Variants in BCO1 observed in about 807,000 individuals in gnomAD.
The protein encoded by BCO1 is beta-carotene oxygenase 1.
A neutral mutation model predicts 56.3 loss-of-function variants in BCO1; 54 were observed. That is an observed-to-expected ratio of 0.96 (90% CI 0.77 to 1.20). The LOEUF (loss-of-function observed/expected upper bound fraction) is 1.20. Among genes scored for constraint, BCO1 ranks in the 50% most tolerant of loss-of-function variants. BCO1 has a pLI of 0.00. For synonymous variants in BCO1, 318 were observed against 266.1 expected (o/e 1.20, Z -1.90); for missense variants, 801 against 690.9 (o/e 1.16, Z -1.79).
intron 10 of BCO1, 30 bp downstream of exon 10, chr16:81,287,436 C>T: frequency 1.3e-6 from 2 of 1,534,052 alleles, no homozygotes; most frequent in Non-Finnish European, 9.0e-7. Flanking sequence ...CGCCTAGTTG[C>T]TGCACGTTAC....
chr16:81,252,099 C>T (rs1905842829), intron 2 of BCO1, among the ~76,000 whole-genome samples: 1 of 152,064 alleles, frequency 6.6e-6, no homozygotes, highest in Admixed American at 6.6e-5. Flanking sequence ...TGAGTAATTC[C>T]AGACACCTAC....
At chr16:81,267,839 T>A in intron 5 of BCO1, 69 bp from the exon 6 acceptor site, 1 of 1,311,148 alleles carries the variant, frequency 7.6e-7, no homozygotes, top group East Asian at 2.3e-5. Flanking sequence ...TTGTAGGTGA[T>A]GGTGGTGTGG....
intron 2 of BCO1, among the ~76,000 whole-genome samples, chr16:81,253,352 A>C (rs1905929017): frequency 6.6e-6 from 1 of 152,108 alleles, no homozygotes; most frequent in African/African-American, 2.4e-5. Context: ...CTCAAATGTC[A>C]CGTGACTCTG....
In BCO1 at chr16:81,241,933, G is replaced by C. The variant is rs1905141785; in HGVS notation, c.64+2961G>C. On this transcript the variant is annotated intron_variant, in intron 1 of 10. Transcript: ENST00000258168. ...GGCAACTTAAGCATTTCCTGCCTCAGTGTTCTTTTCTGTTTGATGAATGTA... is the reference window on the plus strand; with the variant it reads ...GGCAACTTAAGCATTTCCTGCCTCACTGTTCTTTTCTGTTTGATGAATGTA... 2.0e-5 allele frequency among the ~76,000 whole-genome samples: 3 copies of C among 152,198 alleles called. No homozygotes were observed. The South Asian group carries it at 6.2e-4, about 31-fold the overall frequency.
chr16:81,287,541 C>G, intron 10 of BCO1, 135 bp downstream of exon 10: 1 of 748,068 alleles, frequency 1.3e-6, no homozygotes, highest in Non-Finnish European at 2.4e-6. Context: ...GTACATCTGT[C>G]TGGGTCAAAG....
chr16:81,253,533 C>T (rs1231505954), intron 2 of BCO1, among the ~76,000 whole-genome samples: 3 of 152,216 alleles, frequency 2.0e-5, no homozygotes, highest in Non-Finnish European at 4.4e-5. Flanking sequence ...TATATTTTCA[C>T]TCCTGGCCCA....
chr16:81,239,523 C>T (rs546932252), intron 1 of BCO1, among the ~76,000 whole-genome samples: 43 of 152,160 alleles, frequency 2.8e-4, no homozygotes, highest in Middle Eastern at 3.4e-3. Flanking sequence ...TTGGAATGCC[C>T]CAGTGGGTAC....
At chr16:81,285,459 G>A in intron 8 of BCO1, 81 bp from the exon 9 acceptor site, 1 of 1,031,994 alleles carries the variant, frequency 9.7e-7, no homozygotes, top group Non-Finnish European at 1.5e-6. Context: ...TCTGAGGAAA[G>A]GCTACCCAAT....
chr16:81,283,997 A>G (rs1464725899), intron 8 of BCO1, among the ~76,000 whole-genome samples: 5 of 151,734 alleles, frequency 3.3e-5, no homozygotes, highest in Non-Finnish European at 7.4e-5. Context: ...CATCCTGGCT[A>G]ACATGGTGAA....
chr16:81,277,312 C>T (rs1430887041), intron 7 of BCO1, among the ~76,000 whole-genome samples: 1 of 152,064 alleles, frequency 6.6e-6, no homozygotes, highest in East Asian at 1.9e-4. Context: ...TGCTAATCTT[C>T]ATCACAATGT....
chr16:81,254,585 T>TA (rs1351621551), intron 2 of BCO1, among the ~76,000 whole-genome samples: 1 of 152,022 alleles, frequency 6.6e-6, no homozygotes, highest in African/African-American at 2.4e-5. Context: ...TAATTAGTGT[T>TA]ACTATTATTG....
Position 81,238,913 on chromosome 16 carries a change from A to C in BCO1, c.5A>C (p.Asp2Ala), listed in dbSNP as rs1567694588. Reference protein sequence around the residue: MDIIFGRNRKEQ... With the variant: MAIIFGRNRKEQ... Reference sequence around the variant, plus strand: ...TCTCCCTCGGCACCCTGAGCAATGGATATAATATTTGGCAGGAATAGGAAA... The same window carrying C: ...TCTCCCTCGGCACCCTGAGCAATGGCTATAATATTTGGCAGGAATAGGAAA... The change falls in exon 1 of 11, where the codon GAT (aspartate) becomes GCT (alanine). Residue 2 changes from aspartate (D) to alanine (A), a missense_variant. Asp to Ala is a moderately radical substitution (Grantham distance 126). Transcript: ENST00000258168. 1.2e-6 allele frequency: 2 copies of C among 1,614,038 alleles called. No individual in the cohort carries two copies. Among genetic ancestry groups the C allele is most frequent in the South Asian group, 1.1e-5 (1 of 91,068 alleles).
chr16:81,272,680 A>G (rs1443445348), intron 7 of BCO1, among the ~76,000 whole-genome samples: 3 of 152,226 alleles, frequency 2.0e-5, no homozygotes, highest in Admixed American at 1.3e-4. Flanking sequence ...TCCAGAACTC[A>G]CTGACTTCAT....
chr16:81,240,237 C>G (rs1211840834), intron 1 of BCO1, among the ~76,000 whole-genome samples: 1 of 151,992 alleles, frequency 6.6e-6, no homozygotes, highest in Non-Finnish European at 1.5e-5. Context: ...ATTTTGAAAT[C>G]TCTTAACCAC....
At chr16:81,266,489 C>T (rs1388822098) in intron 5 of BCO1, among the ~76,000 whole-genome samples, 1 of 152,070 alleles carries the variant, frequency 6.6e-6, no homozygotes. Flanking sequence ...TGTAGAGCCC[C>T]CTGAGCAAAC....
At chr16:81,275,601 C>T (rs1046333476) in intron 7 of BCO1, among the ~76,000 whole-genome samples, 2 of 152,210 alleles carry the variant, frequency 1.3e-5, no homozygotes, top group Non-Finnish European at 2.9e-5. Context: ...ATCTGCTGCA[C>T]TCAGAGGGTG....
chr16:81,250,289 CCT>C (rs1436139442), intron 2 of BCO1, among the ~76,000 whole-genome samples: 1 of 152,156 alleles, frequency 6.6e-6, no homozygotes, highest in African/African-American at 2.4e-5. Flanking sequence ...GCAATTCAGC[CCT>C]GTTTCCCCTT....
At chr16:81,261,536 T>G (rs763402227) in intron 3 of BCO1, among the ~76,000 whole-genome samples, 22 of 152,150 alleles carry the variant, frequency 1.4e-4, no homozygotes, top group Non-Finnish European at 2.9e-4. Context: ...TGACATACTT[T>G]GGAACAGTAT....
chr16:81,241,888 G>A (rs746001935), intron 1 of BCO1, among the ~76,000 whole-genome samples: 25 of 152,184 alleles, frequency 1.6e-4, no homozygotes, highest in Non-Finnish European at 3.4e-4. Context: ...GCCGACACAC[G>A]TGTGTTCTGA....
Sources: gnomAD v4.1 joint callset for allele counts (sites outside exome capture counted in the v4.1 genomes callset) on GRCh38, gnomAD v4.1.1 for gene constraint, MANE v1.5 for transcripts, NCBI Gene and HGNC (gene_info 2026-07-23, HGNC 2026-07-21) for gene names.